The following ZNF423 variants were observed in gnomAD, a reference collection of about 807,000 sequenced individuals.
The protein encoded by ZNF423 is zinc finger protein 423, also known as Ebf-associated zinc finger protein.
A neutral mutation model predicts 95.8 loss-of-function variants in ZNF423; 12 were observed. The observed-to-expected ratio is 0.13, with a 90% CI of 0.08 to 0.20. The LOEUF (loss-of-function observed/expected upper bound fraction) is 0.20, where lower values mean the gene tolerates loss of function less well. Among genes scored for constraint, ZNF423 ranks in the 10% least tolerant of loss-of-function variants. The pLI, the probability that ZNF423 is intolerant of heterozygous loss-of-function variation, is 1.00. For synonymous variants in ZNF423, 749 were observed against 711.9 expected (o/e 1.05, Z -0.83); for missense variants, 1,316 against 1,737.1 (o/e 0.76, Z 4.31).
intron 3 of ZNF423, among the ~76,000 whole-genome samples, chr16:49,674,309 C>T (rs190202553): frequency 7.9e-5 from 12 of 152,214 alleles, no homozygotes; most frequent in African/African-American, 2.2e-4. Context: ...CAAGTGTCAC[C>T]GAGTGCCTAA....
At chr16:49,706,013 G>C (rs558161165) in intron 3 of ZNF423, among the ~76,000 whole-genome samples, 3 of 152,144 alleles carry the variant, frequency 2.0e-5, no homozygotes, top group Non-Finnish European at 4.4e-5. Context: ...GGATGGGATG[G>C]CTTTACAGGG....
chr16:49,688,110 A>C lies in ZNF423; in HGVS notation c.301+42661T>G, dbSNP rs1315596245. ...GTTGAGAGGGAAAAAAAAAAAAAAA[A>C]CTCTTCAAATTCACATTGGGCAGGG... On this transcript the variant is annotated intron_variant, in intron 3 of 7. Transcript: ENST00000563137. Among the ~76,000 whole-genome samples, 7 of 97,134 alleles carry C rather than the reference A, an allele frequency of 7.2e-5. No individual in the cohort carries two copies. The Admixed American group carries it at 8.4e-4, about 12-fold the overall frequency. The allele number at this position is 97,134 out of a possible 152,430, so 63.7% of individuals were successfully genotyped here. A position where few individuals can be genotyped will look rare whatever the true frequency, so the allele number is the denominator to read the frequency against.
At chr16:49,491,346 T>C (rs768817161) in intron 7 of ZNF423, 42 bp from the exon 8 acceptor site, 1 of 1,612,836 alleles carries the variant, frequency 6.2e-7, no homozygotes, top group Admixed American at 1.7e-5. Flanking sequence ...AGGAGAAGAA[T>C]GGAGAGCATG....
intron 3 of ZNF423, among the ~76,000 whole-genome samples, chr16:49,671,166 G>T (rs2030789896): frequency 6.6e-6 from 1 of 152,216 alleles, no homozygotes; most frequent in Non-Finnish European, 1.5e-5. Flanking sequence ...AGCTGTGCCT[G>T]GTCACCCAGG....
intron 5 of ZNF423, among the ~76,000 whole-genome samples, chr16:49,613,654 T>C (rs1439272516): frequency 6.6e-6 from 1 of 152,200 alleles, no homozygotes; most frequent in African/African-American, 2.4e-5. Flanking sequence ...CAGTGAGCTA[T>C]GATCATGCTA....
chr16:49,815,897 T>TACACAC (rs1200789340), intron 1 of ZNF423, among the ~76,000 whole-genome samples: 6 of 47,050 alleles, frequency 1.3e-4, no homozygotes, highest in African/African-American at 5.9e-4. Context: ...TATATATATA[T>TACACAC]ATATATATAT....
At chr16:49,840,889 C>T (rs961557167) in intron 1 of ZNF423, among the ~76,000 whole-genome samples, 1 of 152,248 alleles carries the variant, frequency 6.6e-6, no homozygotes, top group Admixed American at 6.5e-5. Flanking sequence ...CACACAGCCG[C>T]TTCCCTGAGC....
chr16:49,841,425 AAGCCT>A (rs1216420469), intron 1 of ZNF423, among the ~76,000 whole-genome samples: 1 of 152,152 alleles, frequency 6.6e-6, no homozygotes, highest in Non-Finnish European at 1.5e-5. Flanking sequence ...GTAAAAAAGA[AAGCCT>A]AAGGTCCCCA....
At chr16:49,770,367 A>C (rs543553699) in intron 2 of ZNF423, among the ~76,000 whole-genome samples, 3 of 152,316 alleles carry the variant, frequency 2.0e-5, no homozygotes, top group African/African-American at 4.8e-5. Flanking sequence ...TGGTGCTAGA[A>C]GTGCTGAGAA....
At chr16:49,803,196 C>A (rs1200238106) in intron 1 of ZNF423, among the ~76,000 whole-genome samples, 1 of 152,104 alleles carries the variant, frequency 6.6e-6, no homozygotes, top group Non-Finnish European at 1.5e-5. Flanking sequence ...GAAGTCAAGG[C>A]TGCAGTGAGT....
At chr16:49,783,968 CAA>C (rs57994963) in intron 2 of ZNF423, among the ~76,000 whole-genome samples, 81 of 87,676 alleles carry the variant, frequency 9.2e-4, no homozygotes, top group African/African-American at 2.0e-3. Flanking sequence ...GACTCCAACT[CAA>C]AAAAAAAAAA....
chr16:49,729,999 G>A (rs2033122187), intron 3 of ZNF423, among the ~76,000 whole-genome samples: 1 of 152,134 alleles, frequency 6.6e-6, no homozygotes, highest in African/African-American at 2.4e-5. Context: ...CAGGAAGACT[G>A]TGTAAGGAAC....
chr16:49,846,299 CAAAAAA>C (rs11338195), intron 1 of ZNF423, among the ~76,000 whole-genome samples: 4 of 76,360 alleles, frequency 5.2e-5, no homozygotes, highest in Non-Finnish European at 7.4e-5. Flanking sequence ...GACTCTGTCT[CAAAAAA>C]AAAAAAAAAA....
chr16:49,801,853 T>C (rs2034587500), intron 1 of ZNF423, among the ~76,000 whole-genome samples: 2 of 151,996 alleles, frequency 1.3e-5, no homozygotes, highest in Non-Finnish European at 2.9e-5. Flanking sequence ...CAGGACTGGA[T>C]TTTTATTTTT....
At chr16:49,720,336 C>T (rs956714868) in intron 3 of ZNF423, among the ~76,000 whole-genome samples, 5 of 152,198 alleles carry the variant, frequency 3.3e-5, no homozygotes, top group African/African-American at 1.2e-4. Flanking sequence ...CAGGCAGGAG[C>T]TGCATATACA....
intron 2 of ZNF423, among the ~76,000 whole-genome samples, chr16:49,735,497 C>T (rs1262284606): frequency 6.6e-6 from 1 of 152,160 alleles, no homozygotes; most frequent in Non-Finnish European, 1.5e-5. Flanking sequence ...GCAGGGAGAC[C>T]TTGACTCCCT....
intron 2 of ZNF423, among the ~76,000 whole-genome samples, chr16:49,763,519 G>A (rs758247203): frequency 3.3e-5 from 5 of 152,094 alleles, no homozygotes; most frequent in Non-Finnish European, 7.3e-5. Context: ...ACAAATCAAG[G>A]TATGGGACAT....
At chr16:49,518,159 A>G (rs536104668) in intron 7 of ZNF423, 2 of 390,898 alleles carry the variant, frequency 5.1e-6, no homozygotes, top group African/African-American at 4.2e-5. Flanking sequence ...TGTCACTAAG[A>G]TATTTGCATC....
At chr16:49,629,001 G>T (rs12923595) in intron 4 of ZNF423, among the ~76,000 whole-genome samples, 4,937 of 152,278 alleles carry the variant, frequency 0.032, 104 homozygotes, top group Non-Finnish European at 0.047. Context: ...TTTGGTTCCT[G>T]GGATGAGAGG....
Sources: allele counts gnomAD v4.1 joint callset (sites outside exome capture counted in the v4.1 genomes callset), GRCh38; gene constraint gnomAD v4.1.1; transcripts MANE v1.5; gene names NCBI Gene and HGNC (gene_info 2026-07-23, HGNC 2026-07-21).